STXBP6: variants seen among roughly 807,000 people sequenced by gnomAD.
STXBP6 encodes syntaxin-binding protein 6.
STXBP6 carries 21 observed loss-of-function variants against 26.9 expected under a neutral mutation model. That is an observed-to-expected ratio of 0.78 (90% CI 0.55 to 1.12). The LOEUF (loss-of-function observed/expected upper bound fraction) is 1.12, where lower values mean the gene tolerates loss of function less well. Ranked by LOEUF, STXBP6 falls within the 50% of genes most tolerant of loss-of-function variation. The probability of loss-of-function intolerance (pLI) is 0.00; values close to 1 mark genes in which losing one functional copy is unlikely to be tolerated. For synonymous variants in STXBP6, 97 were observed against 92.6 expected (o/e 1.05, Z -0.27); for missense variants, 232 against 257.9 (o/e 0.90, Z 0.69).
Position 24,838,683 on chromosome 14 carries a change from CA to C in STXBP6, c.451+17252del, listed in dbSNP as rs71449216. Among the ~76,000 whole-genome samples the C allele has an allele frequency of 1.6e-4, 23 of 142,282 alleles. 2 individuals carry two copies. Among genetic ancestry groups the C allele is most frequent in the Admixed American group, 5.7e-4 (8 of 14,132 alleles). The allele number at this position is 142,282 out of a possible 152,430, so 93.3% of individuals were successfully genotyped here. ...TGGGTGACAGATCGAGATCCCGTCT[CA>C]AAAAAAAAAGAGAAAAAAGAAAAAA... On this transcript the variant is annotated intron_variant, in intron 4 of 5. Transcript: ENST00000323944.
intron 1 of STXBP6, among the ~76,000 whole-genome samples, chr14:24,982,971 G>A (rs891597685): frequency 6.6e-6 from 1 of 152,204 alleles, no homozygotes; most frequent in Non-Finnish European, 1.5e-5. Flanking sequence ...GATTTCATAA[G>A]CATCACTCAT....
chr14:24,905,669 C>G (rs1383357747), intron 2 of STXBP6, among the ~76,000 whole-genome samples: 1 of 152,180 alleles, frequency 6.6e-6, no homozygotes, highest in Non-Finnish European at 1.5e-5. Context: ...TTGTACAATC[C>G]TCTCTAAGCT....
intron 4 of STXBP6, among the ~76,000 whole-genome samples, chr14:24,845,851 T>C (rs2068943581): frequency 1.3e-5 from 2 of 152,102 alleles, no homozygotes; most frequent in South Asian, 4.2e-4. Context: ...AGAAAGAGAT[T>C]TGAGGATGCT....
chr14:24,812,617 A>AAAG lies in STXBP6; in HGVS notation c.*89_*91dup. The stretch of plus-strand genomic sequence containing the variant: ...CTCTAAGTGTCCAAATATTGGAAAA[A>AAAG]AAGAAGCAAGCGGAGGTCCCGAATT... On this transcript the variant is annotated 3_prime_UTR_variant, in exon 6 of 6. Transcript: ENST00000323944. 1 of 1,296,278 alleles carries AAAG rather than the reference A, an allele frequency of 7.7e-7. No individual in the cohort carries two copies. The highest frequency in any genetic ancestry group is 1.1e-6 in the Non-Finnish European group (1 of 902,692). 80.3% of individuals were successfully genotyped at this position (1,296,278 alleles called of 1,614,324 possible).
chr14:24,815,370 A>G (rs1477360608), intron 5 of STXBP6, among the ~76,000 whole-genome samples: 2 of 152,040 alleles, frequency 1.3e-5, no homozygotes, highest in African/African-American at 4.8e-5. Context: ...AAAAATGATT[A>G]TAATAAAATC....
At chr14:24,878,175 T>C (rs971058471) in intron 2 of STXBP6, among the ~76,000 whole-genome samples, 3 of 152,144 alleles carry the variant, frequency 2.0e-5, no homozygotes, top group South Asian at 2.1e-4. Context: ...TTTTGACTTA[T>C]GGGGATTTGC....
intron 1 of STXBP6, among the ~76,000 whole-genome samples, chr14:24,983,606 T>A (rs562650145): frequency 2.6e-5 from 4 of 152,308 alleles, no homozygotes; most frequent in Admixed American, 2.6e-4. Flanking sequence ...GAGGAGGGTA[T>A]GATTGATAAC....
At position 24,819,034 on chromosome 14, in the gene STXBP6, C is replaced by T; in HGVS notation, c.609+3G>A. 6.3e-7 allele frequency: 1 copy of T among 1,576,734 alleles called. No individual in the cohort carries two copies. Among genetic ancestry groups the T allele is most frequent in the South Asian group, 1.2e-5 (1 of 85,164 alleles). On this transcript the variant is annotated splice_donor_region_variant and intron_variant, in intron 5 of 5. Coordinates refer to ENST00000323944, the MANE Select transcript of STXBP6 (RefSeq NM_001394410.1). ...TGAGAAGCCTGCTCCTCTCTTGGCCCACCTTGTGCGCAGTTTCTGCAAACT... is the reference window on the plus strand; with the variant it reads ...TGAGAAGCCTGCTCCTCTCTTGGCCTACCTTGTGCGCAGTTTCTGCAAACT...
At chr14:24,922,210 G>C (rs1453819743) in intron 2 of STXBP6, among the ~76,000 whole-genome samples, 1 of 151,876 alleles carries the variant, frequency 6.6e-6, no homozygotes, top group Non-Finnish European at 1.5e-5. Context: ...TGAAAAATTA[G>C]CAAAGAATTT....
At chr14:25,014,199 A>G (rs2075096891) in intron 1 of STXBP6, among the ~76,000 whole-genome samples, 1 of 152,164 alleles carries the variant, frequency 6.6e-6, no homozygotes, top group East Asian at 1.9e-4. Context: ...TCTGTACCAA[A>G]AAGTTAAAAA....
At chr14:24,994,223 G>A (rs543722973) in intron 1 of STXBP6, among the ~76,000 whole-genome samples, 147 of 152,202 alleles carry the variant, frequency 9.7e-4, no homozygotes, top group South Asian at 3.3e-3. Context: ...TCTTACCTCC[G>A]ACCTTTAACG....
chr14:25,018,811 T>C (rs538696963), intron 1 of STXBP6, among the ~76,000 whole-genome samples: 17 of 152,348 alleles, frequency 1.1e-4, no homozygotes, highest in African/African-American at 4.1e-4. Context: ...TTCTTCAATG[T>C]AGGATCTTTC....
intron 2 of STXBP6, among the ~76,000 whole-genome samples, chr14:24,957,407 G>C (rs1358790365): frequency 6.6e-6 from 1 of 152,194 alleles, no homozygotes; most frequent in South Asian, 2.1e-4. Flanking sequence ...CGATCCTAAT[G>C]TGTGTCAAGC....
intron 2 of STXBP6, among the ~76,000 whole-genome samples, chr14:24,935,016 G>T (rs757533115): frequency 1.3e-5 from 2 of 152,128 alleles, no homozygotes; most frequent in Admixed American, 6.5e-5. Context: ...TGGGATGGTG[G>T]AAGAGGGGAA....
chr14:24,894,786 G>A (rs1382254834), intron 2 of STXBP6, among the ~76,000 whole-genome samples: 1 of 152,160 alleles, frequency 6.6e-6, no homozygotes. Context: ...GTGGTAGCTA[G>A]CAGACGAAAG....
intron 4 of STXBP6, among the ~76,000 whole-genome samples, chr14:24,851,393 CA>C (rs2069150054): frequency 6.7e-6 from 1 of 149,356 alleles, no homozygotes; most frequent in African/African-American, 2.5e-5. Flanking sequence ...CCCCCTCCCC[CA>C]ACCCCACAAC....
At chr14:24,947,232 G>T (rs981348378) in intron 2 of STXBP6, among the ~76,000 whole-genome samples, 15 of 137,308 alleles carry the variant, frequency 1.1e-4, no homozygotes, top group African/African-American at 3.8e-4. Flanking sequence ...AAATAATTCA[G>T]TTTTCTGATT....
rs545453308 is a variant in STXBP6 at position 24,815,477 on chromosome 14, G to C, written c.610-2745C>G. ...TTTATAATACTATTATAACATAATA[G>C]TATTATTTTATAATAATATAATATT... On this transcript the variant is annotated intron_variant, in intron 5 of 5. Transcript: ENST00000323944. 4.1e-3 allele frequency among the ~76,000 whole-genome samples: 614 copies of C among 148,034 alleles called. 4 individuals are homozygous for C. The highest frequency in any genetic ancestry group is 7.0e-3 in the Non-Finnish European group (472 of 67,268).
At chr14:25,008,191 T>A (rs946543977) in intron 1 of STXBP6, among the ~76,000 whole-genome samples, 1 of 152,186 alleles carries the variant, frequency 6.6e-6, no homozygotes, top group African/African-American at 2.4e-5. Flanking sequence ...TTTTTAAAAA[T>A]TTTTTTTAAG....
Sources: gnomAD v4.1 joint callset for allele counts (sites outside exome capture counted in the v4.1 genomes callset) on GRCh38, gnomAD v4.1.1 for gene constraint, MANE v1.5 for transcripts, NCBI Gene and HGNC (gene_info 2026-07-23, HGNC 2026-07-21) for gene names.